Variants in UGT2A2 observed in about 807,000 individuals in gnomAD.
UGT2A2 encodes UDP-glucuronosyltransferase 2A2.
Under a neutral mutation model 50.7 loss-of-function variants are expected in UGT2A2, and 60 were observed. The ratio of observed to expected loss-of-function variants is 1.18; its 90% CI spans 0.96 to 1.47. UGT2A2 has a LOEUF of 1.47. Among genes scored for constraint, UGT2A2 ranks in the 40% most tolerant of loss-of-function variants. UGT2A2 has a pLI of 0.00. For synonymous variants in UGT2A2, 242 were observed against 214.6 expected (o/e 1.13, Z -1.11); for missense variants, 762 against 634.0 (o/e 1.20, Z -2.17).
chr4:69,595,415 T>A (rs781356527), intron 3 of UGT2A2, among the ~76,000 whole-genome samples, 166 bp from the exon 4 acceptor site: 1 of 152,218 alleles, frequency 6.6e-6, no homozygotes, highest in Non-Finnish European at 1.5e-5. Flanking sequence ...ATATGTACCT[T>A]TTTGTAAAGT....
At chr4:69,625,727 A>G (rs1721018228) in intron 1 of UGT2A2, among the ~76,000 whole-genome samples, 1 of 151,558 alleles carries the variant, frequency 6.6e-6, no homozygotes, top group Non-Finnish European at 1.5e-5. Context: ...TTACATACAG[A>G]AATACAGAGC....
chr4:69,615,166 C>T (rs560601461), intron 1 of UGT2A2, among the ~76,000 whole-genome samples: 13 of 152,092 alleles, frequency 8.5e-5, no homozygotes, highest in African/African-American at 3.1e-4. Context: ...CCATATCAAT[C>T]TCTATCTCTC....
intron 1 of UGT2A2, among the ~76,000 whole-genome samples, chr4:69,623,376 A>G (rs755313233): frequency 3.3e-5 from 5 of 151,916 alleles, no homozygotes; most frequent in Admixed American, 2.0e-4. Context: ...AATTTTTGTG[A>G]GAATCATCTC....
At position 69,610,246 on chromosome 4, in the gene UGT2A2, C is replaced by T. The variant is rs563013218; in HGVS notation, c.743-10852G>A. ...TTGCATTGTTCTAATTCTGCCATTACAAAAAAAAAGTTGCATTGAATTCAT... is the reference window on the plus strand; with the variant it reads ...TTGCATTGTTCTAATTCTGCCATTATAAAAAAAAAGTTGCATTGAATTCAT... On this transcript the variant is annotated intron_variant, in intron 1 of 5. Coordinates refer to ENST00000604629, the MANE Select transcript of UGT2A2 (RefSeq NM_001105677.2). Among the ~76,000 whole-genome samples the T allele has an allele frequency of 6.1e-4, 92 of 151,172 alleles. 1 individual carries two copies. In the East Asian group the frequency reaches 0.013, roughly 21 times the overall value.
intron 1 of UGT2A2, among the ~76,000 whole-genome samples, chr4:69,619,024 A>T (rs1172424608): frequency 6.6e-6 from 1 of 151,926 alleles, no homozygotes; most frequent in Non-Finnish European, 1.5e-5. Flanking sequence ...GTTATATATT[A>T]TACAATATAT....
intron 1 of UGT2A2, among the ~76,000 whole-genome samples, chr4:69,627,347 C>A (rs1391308332): frequency 6.6e-6 from 1 of 151,682 alleles, no homozygotes; most frequent in African/African-American, 2.4e-5. Context: ...TAAAACAGTA[C>A]TACTAGACTC....
chr4:69,592,606 A>G (rs1161865122), intron 5 of UGT2A2, among the ~76,000 whole-genome samples: 1 of 152,180 alleles, frequency 6.6e-6, no homozygotes, highest in Non-Finnish European at 1.5e-5. Flanking sequence ...AGCAATGCTC[A>G]TGGTAAAAAT....
rs769602732 is a variant in UGT2A2, at chr4:69,595,180, G to A, written c.1093C>T (p.Pro365Ser). 9 of 1,613,808 alleles carry A rather than the reference G, an allele frequency of 5.6e-6. No homozygotes were observed. In the South Asian group the frequency reaches 6.6e-5, roughly 12 times the overall value. The change falls in exon 4 of 6, where the codon CCC becomes TCC. Residue 365 changes from proline (P) to serine (S), a missense_variant. By Grantham distance (74) the Pro-to-Ser change is moderately conservative. Coordinates refer to ENST00000604629, the MANE Select transcript of UGT2A2 (RefSeq NM_001105677.2). Reference protein sequence around the residue: ...GNNTQLFDWIPQNDLLGHPKT... With the variant: ...GNNTQLFDWISQNDLLGHPKT... Reference sequence around the variant, plus strand: ...GTCTTACCAAGAAGATCATTCTGGGGTATCCAATCAAAGAGCTGAGTATTG... The same window carrying A: ...GTCTTACCAAGAAGATCATTCTGGGATATCCAATCAAAGAGCTGAGTATTG...
intron 2 of UGT2A2, among the ~76,000 whole-genome samples, chr4:69,598,996 T>C (rs1462971965): frequency 6.6e-6 from 1 of 152,162 alleles, no homozygotes; most frequent in African/African-American, 2.4e-5. Context: ...AAGTCCAGTA[T>C]CAAGGTGTAG....
intron 2 of UGT2A2, among the ~76,000 whole-genome samples, chr4:69,597,054 T>C (rs1172164324): frequency 6.6e-6 from 1 of 152,206 alleles, no homozygotes; most frequent in Admixed American, 6.5e-5. Context: ...CAACAAAGGA[T>C]ACTGAGCTAG....
chr4:69,634,114 C>G (rs1009315981), intron 1 of UGT2A2, among the ~76,000 whole-genome samples: 7 of 151,758 alleles, frequency 4.6e-5, no homozygotes, highest in Admixed American at 2.6e-4. Flanking sequence ...GCTTGGTGAC[C>G]GGCGCCTGTA....
At chr4:69,605,688 A>G (rs908807288) in intron 1 of UGT2A2, among the ~76,000 whole-genome samples, 3 of 137,012 alleles carry the variant, frequency 2.2e-5, no homozygotes, top group African/African-American at 8.9e-5. Context: ...AGACTAATAA[A>G]GAAGAAAAGA....
rs1438961996 is a variant in UGT2A2, at chr4:69,596,246, T to C, written c.1023+4A>G. ...TGTGTACCAGGATTCCAGGCTGTAC[T>C]GACCTTCTGTGGAATCTGGGCAAGG... On this transcript the variant is annotated splice_donor_region_variant and intron_variant, in intron 3 of 5. Transcript: ENST00000604629. 4 of 1,569,780 alleles carry C rather than the reference T, an allele frequency of 2.5e-6. 1 individual carries two copies. The highest frequency in any genetic ancestry group is 2.4e-5 in the South Asian group (2 of 83,356).
intron 1 of UGT2A2, among the ~76,000 whole-genome samples, chr4:69,619,322 C>T (rs938596066): frequency 1.3e-5 from 2 of 151,770 alleles, no homozygotes; most frequent in Non-Finnish European, 2.9e-5. Flanking sequence ...TTGCTTGAGC[C>T]TGGGAGGTTG....
chr4:69,625,531 C>T lies in UGT2A2; in HGVS notation c.742+13368G>A, dbSNP rs76031598. Among the ~76,000 whole-genome samples the T allele has an allele frequency of 1.6e-3, 247 of 150,922 alleles. 1 individual carries two copies. The highest frequency in any genetic ancestry group is 2.8e-3 in the Non-Finnish European group (188 of 67,368). ...AAATTCTTTTTTTCTATGCTGTGTC[C>T]AATCTATTAATACTATCCAATGTAT... On this transcript the variant is annotated intron_variant, in intron 1 of 5. Transcript: ENST00000604629.
At chr4:69,596,859 T>C (rs1363998847) in intron 2 of UGT2A2, among the ~76,000 whole-genome samples, 1 of 152,188 alleles carries the variant, frequency 6.6e-6, no homozygotes, top group East Asian at 1.9e-4. Flanking sequence ...GTCTCTGAAA[T>C]GTATAACTTA....
rs775251542 is a variant in UGT2A2 at position 69,589,662 on chromosome 4, A to G, written c.1332-11T>C. ...GCATTCTCTTTATAACTAGAAGACA[A>G]ATAAATAGGCAGAAATTAGACAATT... On this transcript the variant is annotated splice_polypyrimidine_tract_variant and intron_variant, in intron 5 of 5. Coordinates refer to ENST00000604629, the MANE Select transcript of UGT2A2 (RefSeq NM_001105677.2). 3.7e-5 allele frequency: 59 copies of G among 1,582,498 alleles called. No individual in the cohort carries two copies. Among genetic ancestry groups the G allele is most frequent in the Non-Finnish European group, 4.4e-5 (51 of 1,163,086 alleles).
chr4:69,624,188 T>C (rs182597973), intron 1 of UGT2A2, among the ~76,000 whole-genome samples: 1 of 151,720 alleles, frequency 6.6e-6, no homozygotes, highest in East Asian at 1.9e-4. Flanking sequence ...TTTGTGATTA[T>C]TATGTCTTCT....
chr4:69,597,780 T>C (rs944815374), intron 2 of UGT2A2, among the ~76,000 whole-genome samples: 5 of 151,986 alleles, frequency 3.3e-5, no homozygotes, highest in Admixed American at 1.3e-4. Flanking sequence ...CATACTGATA[T>C]GGATTTTTCA....
Sources: allele counts gnomAD v4.1 joint callset (sites outside exome capture counted in the v4.1 genomes callset), GRCh38; gene constraint gnomAD v4.1.1; transcripts MANE v1.5; gene names NCBI Gene and HGNC (gene_info 2026-07-23, HGNC 2026-07-21).